Variants in UNC13C observed in about 807,000 individuals in gnomAD.
UNC13C encodes protein unc-13 homolog C.
In UNC13C, 174 loss-of-function variants were observed where a neutral mutation model predicts 245.4. The ratio of observed to expected loss-of-function variants is 0.71; its 90% CI spans 0.63 to 0.80. UNC13C has a LOEUF of 0.80. Among genes scored for constraint, UNC13C ranks in the 30% least tolerant of loss-of-function variants. UNC13C has a pLI of 0.00. For synonymous variants in UNC13C, 992 were observed against 895.1 expected (o/e 1.11, Z -1.93); for missense variants, 2,829 against 2,602.9 (o/e 1.09, Z -1.89).
chr15:54,207,343 T>A (rs1476129426), intron 4 of UNC13C, among the ~76,000 whole-genome samples: 1 of 152,064 alleles, frequency 6.6e-6, no homozygotes, highest in Non-Finnish European at 1.5e-5. Context: ...AAGCTGGTTG[T>A]TAAAAATATT....
intron 30 of UNC13C, among the ~76,000 whole-genome samples, chr15:54,618,419 C>A (rs916603865): frequency 6.6e-6 from 1 of 152,114 alleles, no homozygotes; most frequent in South Asian, 2.1e-4. Context: ...ATATAACAGG[C>A]AAAGCCTCTC....
the UNC13C span, among the ~76,000 whole-genome samples, chr15:53,888,444 T>A: frequency 6.6e-6 from 1 of 152,336 alleles, no homozygotes; most frequent in East Asian, 1.9e-4. Flanking sequence ...AGATTCTGGA[T>A]ATTAGCCCTT....
intron 19 of UNC13C, among the ~76,000 whole-genome samples, chr15:54,458,194 T>C (rs1450168671): frequency 6.6e-6 from 1 of 152,110 alleles, no homozygotes; most frequent in African/African-American, 2.4e-5. Context: ...TTGTATAGTT[T>C]AATAGTTCCC....
chr15:54,080,947 G>A (rs571518771), intron 2 of UNC13C, among the ~76,000 whole-genome samples: 5 of 152,024 alleles, frequency 3.3e-5, no homozygotes, highest in South Asian at 4.1e-4. Flanking sequence ...GGCATTTAGC[G>A]CTATAAAATT....
intron 4 of UNC13C, 72 bp downstream of exon 4, chr15:54,143,756 C>A: frequency 8.7e-7 from 1 of 1,149,656 alleles, no homozygotes; most frequent in Non-Finnish European, 1.3e-6. Context: ...AACATATATG[C>A]TTTGAGTGCA....
intron 4 of UNC13C, among the ~76,000 whole-genome samples, chr15:54,188,632 A>C (rs962848768): frequency 2.0e-5 from 3 of 152,194 alleles, no homozygotes; most frequent in East Asian, 3.8e-4. Context: ...TAATAAGTAC[A>C]CTATTGCCTT....
intron 10 of UNC13C, among the ~76,000 whole-genome samples, chr15:54,288,353 C>T (rs1436861395): frequency 2.0e-5 from 3 of 152,032 alleles, no homozygotes; most frequent in Non-Finnish European, 4.4e-5. Flanking sequence ...AGGGTGAGTA[C>T]TGTGAAAGGT....
In UNC13C at chr15:54,407,920, G is replaced by C. The variant is rs117237722; in HGVS notation, c.4848-7062G>C. ...TTTTTTGTTGTAAAAGAAAAGAATGGGCGGGGTGCGGTGGCTCACACCTGT... is the reference window on the plus strand; with the variant it reads ...TTTTTTGTTGTAAAAGAAAAGAATGCGCGGGGTGCGGTGGCTCACACCTGT... On this transcript the variant is annotated intron_variant, in intron 18 of 32. Coordinates refer to ENST00000260323, the MANE Select transcript of UNC13C (RefSeq NM_001080534.3). 4.6e-3 allele frequency among the ~76,000 whole-genome samples: 704 copies of C among 152,076 alleles called. 35 individuals carry two copies. In the East Asian group the frequency reaches 0.099, roughly 21 times the overall value.
chr15:54,338,558 A>G, intron 17 of UNC13C, 69 bp downstream of exon 17: 3 of 1,521,068 alleles, frequency 2.0e-6, no homozygotes, highest in South Asian at 1.2e-5. Context: ...TAAGTTTAGC[A>G]TAATAGTAAA....
At chr15:54,191,216 A>G (rs953407333) in intron 4 of UNC13C, among the ~76,000 whole-genome samples, 1 of 152,032 alleles carries the variant, frequency 6.6e-6, no homozygotes, top group Non-Finnish European at 1.5e-5. Flanking sequence ...CCACCCCATG[A>G]TAGGCCCTGG....
At position 54,133,276 on chromosome 15, in the gene UNC13C, A is replaced by G. The variant is rs189091747; in HGVS notation, c.2984-9742A>G. On this transcript the variant is annotated intron_variant, in intron 2 of 32. Coordinates refer to ENST00000260323, the MANE Select transcript of UNC13C (RefSeq NM_001080534.3). ...TTACGTTCAGATTTACTTCTTGGGGATGCTCACACAAGAACCTCTGATGGA... is the reference window on the plus strand; with the variant it reads ...TTACGTTCAGATTTACTTCTTGGGGGTGCTCACACAAGAACCTCTGATGGA... 2.0e-3 allele frequency among the ~76,000 whole-genome samples: 300 copies of G among 152,258 alleles called. 1 individual carries two copies. Among genetic ancestry groups the G allele is most frequent in the Non-Finnish European group, 3.3e-3 (227 of 68,014 alleles).
At chr15:54,257,976 C>A (rs2036322328) in intron 8 of UNC13C, among the ~76,000 whole-genome samples, 2 of 152,094 alleles carry the variant, frequency 1.3e-5, no homozygotes, top group Admixed American at 6.5e-5. Flanking sequence ...GGCCCACCTA[C>A]ATGTTTTTAC....
intron 2 of UNC13C, among the ~76,000 whole-genome samples, chr15:54,132,359 C>T (rs575961113): frequency 3.4e-4 from 52 of 152,228 alleles, no homozygotes; most frequent in South Asian, 1.0e-3. Flanking sequence ...CATGAGCCAC[C>T]GTGCCTGACC....
intron 13 of UNC13C, among the ~76,000 whole-genome samples, chr15:54,314,232 A>G (rs4776225): frequency 1.3e-5 from 2 of 151,642 alleles, no homozygotes; most frequent in South Asian, 2.1e-4. Flanking sequence ...TCATTTTACA[A>G]CATGGTGACT....
chr15:54,559,544 G>T (rs1732126264), intron 29 of UNC13C, among the ~76,000 whole-genome samples: 1 of 151,994 alleles, frequency 6.6e-6, no homozygotes, highest in African/African-American at 2.4e-5. Context: ...AATATGGTGA[G>T]CAATGAGGAG....
At chr15:54,061,979 T>C (rs1897859280) in intron 2 of UNC13C, among the ~76,000 whole-genome samples, 1 of 152,138 alleles carries the variant, frequency 6.6e-6, no homozygotes. Flanking sequence ...TATTCATTCA[T>C]GCCAAGATGG....
intron 2 of UNC13C, among the ~76,000 whole-genome samples, chr15:54,053,021 T>A (rs1897337634): frequency 6.6e-6 from 1 of 151,986 alleles, no homozygotes; most frequent in Admixed American, 6.6e-5. Flanking sequence ...TAAGATGGAG[T>A]CTGACTCTGT....
Position 54,443,985 on chromosome 15 carries a change from A to G in UNC13C, c.4933+28918A>G, listed in dbSNP as rs149817387. 5.9e-5 allele frequency among the ~76,000 whole-genome samples: 9 copies of G among 152,066 alleles called. No individual in the cohort carries two copies. The East Asian group carries it at 1.5e-3, about 26-fold the overall frequency. On this transcript the variant is annotated intron_variant, in intron 19 of 32. Coordinates refer to ENST00000260323, the MANE Select transcript of UNC13C (RefSeq NM_001080534.3). ...AATTTTCTGTCTAGATGATCTGTCT[A>G]ATACTGACAGTAAGTTCCCTACCAT...
intron 30 of UNC13C, among the ~76,000 whole-genome samples, chr15:54,600,384 C>A (rs966161161): frequency 1.3e-5 from 2 of 151,974 alleles, no homozygotes; most frequent in East Asian, 3.9e-4. Context: ...AAAATGGTAT[C>A]ACCAAAGGCA....
Sources: allele counts gnomAD v4.1 joint callset (sites outside exome capture counted in the v4.1 genomes callset), GRCh38; gene constraint gnomAD v4.1.1; transcripts MANE v1.5; gene names NCBI Gene and HGNC (gene_info 2026-07-23, HGNC 2026-07-21).